CCDC102B: variants seen among roughly 807,000 people sequenced by gnomAD.
CCDC102B encodes coiled-coil domain containing 102B.
CCDC102B carries 75 observed loss-of-function variants against 57.4 expected under a neutral mutation model. That is an observed-to-expected ratio of 1.31 (90% CI 1.08 to 1.58). The LOEUF (loss-of-function observed/expected upper bound fraction) is 1.58, where lower values mean the gene tolerates loss of function less well. Among genes scored for constraint, CCDC102B ranks in the 40% most tolerant of loss-of-function variants. The pLI is 0.00. For missense variants in CCDC102B, 636 were observed against 582.6 expected, an observed-to-expected ratio of 1.09 and a Z score of -0.94; for synonymous variants, 206 against 201.9, an observed-to-expected ratio of 1.02 and a Z score of -0.17.
chr18:68,786,041 A>G (rs112410974), intron 2 of CCDC102B, among the ~76,000 whole-genome samples: 52 of 151,362 alleles, frequency 3.4e-4, no homozygotes, highest in African/African-American at 1.2e-3. Context: ...TCAGCTTTCT[A>G]CATATGGCTA....
At chr18:68,820,116 A>T (rs1166677548) in intron 1 of CCDC102B, among the ~76,000 whole-genome samples, 1 of 152,124 alleles carries the variant, frequency 6.6e-6, no homozygotes, top group Non-Finnish European at 1.5e-5. Flanking sequence ...TAGTGGCATT[A>T]GGAGGCACAT....
intron 1 of CCDC102B, among the ~76,000 whole-genome samples, chr18:68,804,387 A>C (rs1482718001): frequency 6.6e-6 from 1 of 152,218 alleles, no homozygotes. Context: ...GAGATCCCAG[A>C]GATAAAGGAA....
chr18:68,811,237 T>A (rs1342101189), intron 1 of CCDC102B, among the ~76,000 whole-genome samples: 1 of 152,210 alleles, frequency 6.6e-6, no homozygotes, highest in Non-Finnish European at 1.5e-5. Flanking sequence ...CTGGGTCAAA[T>A]GGTATTTCTG....
intron 4 of CCDC102B, chr18:68,866,796 T>C: frequency 1.4e-6 from 1 of 693,856 alleles, no homozygotes; most frequent in South Asian, 1.4e-5. Flanking sequence ...TTTTGCTCCC[T>C]GGGAACTTTG....
intron 7 of CCDC102B, 106 bp from the exon 8 acceptor site, chr18:69,053,924 C>G (rs759810481): frequency 3.5e-6 from 3 of 864,872 alleles, no homozygotes; most frequent in Non-Finnish European, 5.2e-6. Context: ...ACAATCTATT[C>G]TCTTAGCAAT....
chr18:69,031,250 G>A (rs965761728), intron 7 of CCDC102B, among the ~76,000 whole-genome samples: 2 of 152,072 alleles, frequency 1.3e-5, no homozygotes, highest in African/African-American at 2.4e-5. Flanking sequence ...GTCCTTTTTA[G>A]TGACTTAGGG....
intron 1 of CCDC102B, among the ~76,000 whole-genome samples, chr18:68,808,194 A>G (rs1380739402): frequency 6.6e-6 from 1 of 152,144 alleles, no homozygotes; most frequent in Non-Finnish European, 1.5e-5. Context: ...AAATTGGATT[A>G]CTTGTTTTAT....
At chr18:68,762,249 T>C (rs879452159) in intron 2 of CCDC102B, among the ~76,000 whole-genome samples, 9 of 152,152 alleles carry the variant, frequency 5.9e-5, no homozygotes, top group Non-Finnish European at 1.2e-4. Flanking sequence ...GGCTAACATA[T>C]CTCTTATAAC....
At chr18:68,945,592 A>T (rs988778290) in intron 6 of CCDC102B, among the ~76,000 whole-genome samples, 6 of 152,142 alleles carry the variant, frequency 3.9e-5, no homozygotes, top group African/African-American at 1.2e-4. Flanking sequence ...ATAATTGGTT[A>T]AAACTGTTCT....
intron 6 of CCDC102B, among the ~76,000 whole-genome samples, chr18:68,973,299 G>A (rs2145266192): frequency 6.6e-6 from 1 of 152,144 alleles, no homozygotes; most frequent in East Asian, 1.9e-4. Context: ...AAAAACCCCA[G>A]AAGATAAGAA....
intron 2 of CCDC102B, among the ~76,000 whole-genome samples, chr18:68,765,339 AAG>A (rs1491169378): frequency 2.0e-3 from 258 of 129,590 alleles, no homozygotes; most frequent in African/African-American, 7.0e-3. Flanking sequence ...GAAAGAAAGA[AAG>A]AAAGAAAGAA....
At chr18:69,039,375 ATTG>A (rs1317922311) in intron 7 of CCDC102B, among the ~76,000 whole-genome samples, 3 of 151,898 alleles carry the variant, frequency 2.0e-5, no homozygotes, top group Non-Finnish European at 4.4e-5. Context: ...ATATACCAAT[ATTG>A]TTGTAATTAT....
intron 7 of CCDC102B, among the ~76,000 whole-genome samples, chr18:69,053,197 ATTAC>A (rs2052750996): frequency 6.6e-6 from 1 of 151,890 alleles, no homozygotes. Flanking sequence ...CAGATGAAAC[ATTAC>A]TGTAGATGAG....
At chr18:68,776,074 CTG>C (rs958920717) in intron 2 of CCDC102B, among the ~76,000 whole-genome samples, 6 of 152,292 alleles carry the variant, frequency 3.9e-5, no homozygotes, top group Admixed American at 3.9e-4. Flanking sequence ...GAGTAGATGA[CTG>C]TTGTATATTT....
intron 2 of CCDC102B, among the ~76,000 whole-genome samples, chr18:68,727,573 T>C (rs978510776): frequency 3.9e-5 from 6 of 152,228 alleles, no homozygotes; most frequent in African/African-American, 1.4e-4. Flanking sequence ...CAAGTGGCCT[T>C]TTTCCATTAG....
rs866168619 is a variant in CCDC102B, at chr18:68,860,457, A to C, written c.936+14036A>C. 3.8e-4 allele frequency among the ~76,000 whole-genome samples: 39 copies of C among 103,732 alleles called. 5 individuals are homozygous for C. Among genetic ancestry groups the C allele is most frequent in the Middle Eastern group, 0.01 (2 of 196 alleles). The allele number at this position is 103,732 out of a possible 152,430, so 68.1% of individuals were successfully genotyped here. On this transcript the variant is annotated intron_variant, in intron 4 of 7. Coordinates refer to ENST00000360242, the MANE Select transcript of CCDC102B (RefSeq NM_024781.3). ...CCCTAAAACTTAAAGTATAATTAAAAAAAAACAAAAACAAAAACAAAAAAA... is the reference window on the plus strand; with the variant it reads ...CCCTAAAACTTAAAGTATAATTAAACAAAAACAAAAACAAAAACAAAAAAA...
At chr18:69,029,776 AG>A (rs1469463438) in intron 7 of CCDC102B, among the ~76,000 whole-genome samples, 1 of 152,234 alleles carries the variant, frequency 6.6e-6, no homozygotes, top group Non-Finnish European at 1.5e-5. Flanking sequence ...CACAAATCAC[AG>A]GCAATGATTA....
intron 2 of CCDC102B, among the ~76,000 whole-genome samples, chr18:68,739,987 C>T (rs564103172): frequency 6.6e-6 from 1 of 152,256 alleles, no homozygotes; most frequent in South Asian, 2.1e-4. Flanking sequence ...AAGTGGTATT[C>T]TAAAAATAGT....
At chr18:69,049,394 C>A (rs1007477935) in intron 7 of CCDC102B, among the ~76,000 whole-genome samples, 1 of 151,964 alleles carries the variant, frequency 6.6e-6, no homozygotes, top group African/African-American at 2.4e-5. Flanking sequence ...TCTTAACATG[C>A]AATTTTAATA....
Sources: allele counts gnomAD v4.1 joint callset (sites outside exome capture counted in the v4.1 genomes callset), GRCh38; gene constraint gnomAD v4.1.1; transcripts MANE v1.5; gene names NCBI Gene and HGNC (gene_info 2026-07-23, HGNC 2026-07-21).